Variants in KCNK1 observed in about 807,000 individuals in gnomAD.
KCNK1 encodes the protein potassium two pore domain channel subfamily K member 1, also known as potassium channel subfamily K member 1.
In KCNK1, 10 loss-of-function variants were observed where a neutral mutation model predicts 22.2. The ratio of observed to expected loss-of-function variants is 0.45; its 90% CI spans 0.28 to 0.76. KCNK1 has a LOEUF of 0.76. Ranked by LOEUF, KCNK1 falls within the 30% of genes least tolerant of loss-of-function variation. The pLI, the probability that KCNK1 is intolerant of heterozygous loss-of-function variation, is 0.14. For synonymous variants in KCNK1, 200 were observed against 186.4 expected, an observed-to-expected ratio of 1.07 and a Z score of -0.60; for missense variants, 378 against 421.0, an observed-to-expected ratio of 0.90 and a Z score of 0.89.
intron 1 of KCNK1, among the ~76,000 whole-genome samples, chr1:233,645,463 G>T (rs1658077038): frequency 6.6e-6 from 1 of 152,180 alleles, no homozygotes; most frequent in Non-Finnish European, 1.5e-5. Context: ...GACAGAGGGG[G>T]AAGGCATGTG....
intron 1 of KCNK1, among the ~76,000 whole-genome samples, chr1:233,634,077 G>A (rs537122612): frequency 6.6e-6 from 1 of 152,204 alleles, no homozygotes; most frequent in African/African-American, 2.4e-5. Context: ...GGAGGCCGAG[G>A]CGGGCGAATC....
chr1:233,639,980 C>T (rs778337771), intron 1 of KCNK1, among the ~76,000 whole-genome samples: 1 of 152,122 alleles, frequency 6.6e-6, no homozygotes, highest in African/African-American at 2.4e-5. Context: ...GGCGTTGTTG[C>T]TATTACTTCA....
At chr1:233,616,686 T>C (rs1391946067) in intron 1 of KCNK1, among the ~76,000 whole-genome samples, 1 of 152,256 alleles carries the variant, frequency 6.6e-6, no homozygotes, top group African/African-American at 2.4e-5. Context: ...TACTCTTCTG[T>C]TGGCTTTGTA....
At position 233,614,235 on chromosome 1, in the gene KCNK1, TGCTTCG is replaced by T. The variant is rs781277738; in HGVS notation, c.70_75del (p.Gly24_Phe25del). 170 of 1,612,444 alleles carry T rather than the reference TGCTTCG, an allele frequency of 1.1e-4. No homozygotes were observed. The African/African-American group carries it at 2.1e-3, about 20-fold the overall frequency. On this transcript the variant is annotated inframe_deletion, in exon 1 of 3. Transcript: ENST00000366621. ...GGTGGAGCGGCACCGCTCGGCCTGG[TGCTTCG>T]GCTTCCTGGTGCTGGGCTACTTGCT...
At chr1:233,634,801 C>G (rs1040779955) in intron 1 of KCNK1, among the ~76,000 whole-genome samples, 4 of 152,328 alleles carry the variant, frequency 2.6e-5, no homozygotes, top group African/African-American at 7.2e-5. Context: ...GCAAGATCAT[C>G]TGTTGGGAGC....
intron 1 of KCNK1, chr1:233,637,316 G>A (rs1657916975): frequency 1.3e-5 from 2 of 152,124 alleles, no homozygotes; most frequent in South Asian, 4.1e-4. Flanking sequence ...CCATACCCAG[G>A]AAGCGAGCTG....
At chr1:233,641,239 A>G (rs1280028553) in intron 1 of KCNK1, among the ~76,000 whole-genome samples, 1 of 152,202 alleles carries the variant, frequency 6.6e-6, no homozygotes, top group African/African-American at 2.4e-5. Context: ...GTCACAATGA[A>G]GAATCTTCAG....
At chr1:233,622,704 G>A (rs893973675) in intron 1 of KCNK1, among the ~76,000 whole-genome samples, 3 of 152,192 alleles carry the variant, frequency 2.0e-5, no homozygotes, top group Admixed American at 1.3e-4. Flanking sequence ...AGGACTGTGG[G>A]ATTGTCTCCT....
intron 1 of KCNK1, among the ~76,000 whole-genome samples, chr1:233,652,057 A>T (rs1281876265): frequency 6.6e-6 from 1 of 152,204 alleles, no homozygotes; most frequent in African/African-American, 2.4e-5. Context: ...GGCAGAGGCC[A>T]CCATGAGTTA....
intron 1 of KCNK1, among the ~76,000 whole-genome samples, chr1:233,645,099 CAGG>C (rs1658069961): frequency 6.6e-6 from 1 of 150,908 alleles, no homozygotes; most frequent in Non-Finnish European, 1.5e-5. Context: ...AAGGCTGAGG[CAGG>C]AGAATTGCTT....
intron 2 of KCNK1, among the ~76,000 whole-genome samples, chr1:233,669,274 A>G (rs1280522954): frequency 6.6e-6 from 1 of 152,184 alleles, no homozygotes; most frequent in East Asian, 1.9e-4. Context: ...ATTTTCTCTT[A>G]TATAAATTGT....
intron 1 of KCNK1, among the ~76,000 whole-genome samples, chr1:233,620,713 A>G (rs1657571765): frequency 6.6e-6 from 1 of 152,208 alleles, no homozygotes; most frequent in Admixed American, 6.5e-5. Context: ...GAGCCTTTAC[A>G]TTTAATTCTA....
intron 1 of KCNK1, among the ~76,000 whole-genome samples, chr1:233,653,219 C>T (rs1280865179): frequency 2.0e-5 from 3 of 152,212 alleles, no homozygotes; most frequent in Non-Finnish European, 4.4e-5. Context: ...TAAAGTTCCC[C>T]CCTTGATTCC....
intron 1 of KCNK1, among the ~76,000 whole-genome samples, chr1:233,647,705 T>C (rs1658123387): frequency 6.6e-6 from 1 of 152,206 alleles, no homozygotes; most frequent in Non-Finnish European, 1.5e-5. Flanking sequence ...TAACAGGATG[T>C]TGGAAGTCGG....
intron 1 of KCNK1, among the ~76,000 whole-genome samples, chr1:233,654,585 A>T (rs1210925220): frequency 6.6e-6 from 1 of 152,194 alleles, no homozygotes; most frequent in Non-Finnish European, 1.5e-5. Flanking sequence ...AGCAGCACTT[A>T]AAGATTTGGA....
At chr1:233,651,900 G>A (rs1200025737) in intron 1 of KCNK1, among the ~76,000 whole-genome samples, 1 of 152,244 alleles carries the variant, frequency 6.6e-6, no homozygotes, top group African/African-American at 2.4e-5. Flanking sequence ...ACATTCACAT[G>A]AGGTTGTATA....
At chr1:233,663,893 G>A (rs1313059253) in intron 1 of KCNK1, among the ~76,000 whole-genome samples, 2 of 151,902 alleles carry the variant, frequency 1.3e-5, no homozygotes, top group African/African-American at 2.4e-5. Context: ...GTGCAATGGC[G>A]CGATCTCAGC....
chr1:233,622,651 A>G (rs906751855), intron 1 of KCNK1, among the ~76,000 whole-genome samples: 9 of 152,212 alleles, frequency 5.9e-5, no homozygotes, highest in African/African-American at 2.2e-4. Context: ...ATGGAGGAAG[A>G]AAGAGAATAG....
intron 2 of KCNK1, among the ~76,000 whole-genome samples, chr1:233,670,694 C>G (rs192465586): frequency 1.6e-4 from 24 of 152,304 alleles, no homozygotes; most frequent in Non-Finnish European, 4.4e-5. Context: ...CTACCTCCCA[C>G]CAGGTCCCTC....
Sources: allele counts gnomAD v4.1 joint callset (sites outside exome capture counted in the v4.1 genomes callset), GRCh38; gene constraint gnomAD v4.1.1; transcripts MANE v1.5; gene names NCBI Gene and HGNC (gene_info 2026-07-23, HGNC 2026-07-21).